IPO11: variants seen among roughly 807,000 people sequenced by gnomAD.
IPO11 encodes the protein importin 11, also known as importin-11.
In IPO11, 66 loss-of-function variants were observed where a neutral mutation model predicts 143.2. That is an observed-to-expected ratio of 0.46 (90% CI 0.38 to 0.57). The LOEUF (loss-of-function observed/expected upper bound fraction) is 0.57. Ranked by LOEUF, IPO11 falls within the 20% of genes least tolerant of loss-of-function variation. IPO11 has a pLI of 0.00. For synonymous variants in IPO11, 385 were observed against 377.8 expected, an observed-to-expected ratio of 1.02 and a Z score of -0.22; for missense variants, 1,026 against 1,141.0, an observed-to-expected ratio of 0.90 and a Z score of 1.45.
At chr5:62,598,277 TTCA>T (rs1431973852) in intron 28 of IPO11, among the ~76,000 whole-genome samples, 9 of 151,986 alleles carry the variant, frequency 5.9e-5, no homozygotes, top group African/African-American at 2.2e-4. Flanking sequence ...ACTGTACAGA[TTCA>T]GGGTTCAATT....
chr5:62,589,842 A>G (rs879464435), intron 27 of IPO11, among the ~76,000 whole-genome samples: 3 of 152,166 alleles, frequency 2.0e-5, no homozygotes, highest in Non-Finnish European at 4.4e-5. Context: ...TCATCTGTCC[A>G]TGGAGTAGTA....
chr5:62,607,660 A>G (rs1745772531), intron 29 of IPO11, among the ~76,000 whole-genome samples: 1 of 152,246 alleles, frequency 6.6e-6, no homozygotes, highest in Non-Finnish European at 1.5e-5. Flanking sequence ...TCAGTAATCA[A>G]GATAAATTAT....
At chr5:62,626,454 C>A (rs1469595683) in intron 29 of IPO11, among the ~76,000 whole-genome samples, 1 of 152,156 alleles carries the variant, frequency 6.6e-6, no homozygotes, top group Non-Finnish European at 1.5e-5. Flanking sequence ...CTCTTGGTTG[C>A]AGGATTCAAT....
intron 1 of IPO11, among the ~76,000 whole-genome samples, chr5:62,429,403 T>C (rs1743890365): frequency 6.6e-6 from 1 of 152,158 alleles, no homozygotes; most frequent in South Asian, 2.1e-4. Flanking sequence ...CATTTTATTT[T>C]ATTTATTTTA....
intron 22 of IPO11, among the ~76,000 whole-genome samples, chr5:62,534,964 C>G (rs1742684011): frequency 6.6e-6 from 1 of 151,570 alleles, no homozygotes; most frequent in Admixed American, 6.6e-5. Flanking sequence ...TGAACAGTGT[C>G]CAGTACCTTA....
At chr5:62,530,964 C>A (rs1419967469) in intron 22 of IPO11, among the ~76,000 whole-genome samples, 179 bp downstream of exon 22, 1 of 152,150 alleles carries the variant, frequency 6.6e-6, no homozygotes, top group African/African-American at 2.4e-5. Flanking sequence ...GTTTGGGGTA[C>A]AATTGATTCT....
chr5:62,592,711 CAT>C (rs1239801701), intron 28 of IPO11, among the ~76,000 whole-genome samples: 9 of 152,076 alleles, frequency 5.9e-5, no homozygotes, highest in African/African-American at 2.2e-4. Context: ...GGGAAGCAAA[CAT>C]GTCCTTTTTC....
intron 24 of IPO11, among the ~76,000 whole-genome samples, chr5:62,547,488 G>C (rs1347157569): frequency 6.6e-6 from 1 of 152,086 alleles, no homozygotes; most frequent in African/African-American, 2.4e-5. Flanking sequence ...TATGTTGCCA[G>C]TTCTAGTTCT....
chr5:62,422,243 C>T (rs923481549), intron 1 of IPO11, among the ~76,000 whole-genome samples: 8 of 152,176 alleles, frequency 5.3e-5, no homozygotes, highest in African/African-American at 1.9e-4. Context: ...TCTCCTGCCT[C>T]AGCCTCCCTA....
intron 29 of IPO11, among the ~76,000 whole-genome samples, chr5:62,603,614 TCAGA>T (rs1745589562): frequency 6.6e-6 from 1 of 152,238 alleles, no homozygotes; most frequent in African/African-American, 2.4e-5. Flanking sequence ...ACACTTACAC[TCAGA>T]TGGGAACAAT....
chr5:62,415,643 T>C (rs1743267048), intron 1 of IPO11, among the ~76,000 whole-genome samples: 1 of 151,758 alleles, frequency 6.6e-6, no homozygotes, highest in Non-Finnish European at 1.5e-5. Flanking sequence ...TAATTTTGTA[T>C]TTTTAGTAGA....
intron 16 of IPO11, among the ~76,000 whole-genome samples, chr5:62,496,810 A>G (rs1741174969): frequency 6.6e-6 from 1 of 152,194 alleles, no homozygotes; most frequent in Non-Finnish European, 1.5e-5. Flanking sequence ...ACTGAGGAAA[A>G]CTTAACAATA....
chr5:62,558,217 A>G (rs1284814299), intron 26 of IPO11, among the ~76,000 whole-genome samples: 2 of 152,224 alleles, frequency 1.3e-5, no homozygotes, highest in Non-Finnish European at 2.9e-5. Context: ...TTACTGTAAA[A>G]AATTGAGCAT....
intron 26 of IPO11, among the ~76,000 whole-genome samples, chr5:62,555,145 T>C (rs1379958770): frequency 2.0e-5 from 3 of 152,172 alleles, no homozygotes; most frequent in African/African-American, 4.8e-5. Flanking sequence ...TTGAAGGATG[T>C]AATTGGTATT....
intron 16 of IPO11, among the ~76,000 whole-genome samples, chr5:62,497,857 A>T (rs528344126): frequency 1.3e-5 from 2 of 152,112 alleles, no homozygotes; most frequent in African/African-American, 4.8e-5. Context: ...TTTCTTTTTT[A>T]AAAAATAAGG....
At chr5:62,435,200 G>GTATATATA (rs1175661794) in intron 1 of IPO11, among the ~76,000 whole-genome samples, 1 of 104,696 alleles carries the variant, frequency 9.6e-6, no homozygotes, top group Non-Finnish European at 1.9e-5. Context: ...GTATATATAT[G>GTATATATA]TATATATATG....
intron 28 of IPO11, among the ~76,000 whole-genome samples, chr5:62,596,835 C>A (rs1745244728): frequency 6.6e-6 from 1 of 152,128 alleles, no homozygotes. Context: ...GGGCTCTATT[C>A]TGTGCTGACT....
chr5:62,507,620 C>A (rs1741596986), intron 19 of IPO11, among the ~76,000 whole-genome samples: 2 of 152,068 alleles, frequency 1.3e-5, no homozygotes, highest in Non-Finnish European at 2.9e-5. Flanking sequence ...TATAAAGTTG[C>A]AATAAATGGT....
intron 5 of IPO11, among the ~76,000 whole-genome samples, chr5:62,464,762 C>CG (rs1204720898): frequency 6.6e-6 from 1 of 152,162 alleles, no homozygotes; most frequent in African/African-American, 2.4e-5. Context: ...CATGAGCCAT[C>CG]GCGCCTGGTC....
Sources: gnomAD v4.1 joint callset for allele counts (sites outside exome capture counted in the v4.1 genomes callset) on GRCh38, gnomAD v4.1.1 for gene constraint, MANE v1.5 for transcripts, NCBI Gene and HGNC (gene_info 2026-07-23, HGNC 2026-07-21) for gene names.